Variants in ARFGAP2 observed in about 807,000 individuals in gnomAD.
ARFGAP2 encodes ARF GTPase activating protein 2.
ARFGAP2 carries 45 observed loss-of-function variants against 71.9 expected under a neutral mutation model. The ratio of observed to expected loss-of-function variants is 0.63; its 90% CI spans 0.49 to 0.80. The LOEUF (loss-of-function observed/expected upper bound fraction) is 0.80, where lower values mean the gene tolerates loss of function less well. Among genes scored for constraint, ARFGAP2 ranks in the 30% least tolerant of loss-of-function variants. The pLI is 0.00. For missense variants in ARFGAP2, 633 were observed against 673.9 expected (o/e 0.94, Z 0.67); for synonymous variants, 248 against 249.2 (o/e 1.00, Z 0.05).
intron 2 of ARFGAP2, 119 bp downstream of exon 2, chr11:47,176,397 C>T (rs1952826630): frequency 2.0e-6 from 2 of 999,064 alleles, no homozygotes; most frequent in East Asian, 2.4e-5. Context: ...CGGACCCTCT[C>T]GGCCCAGAGG....
Position 47,171,537 on chromosome 11 carries a change from G to C in ARFGAP2, c.830C>G (p.Ala277Gly). Residue 277 changes from alanine (A) to glycine (G), a missense_variant, in exon 10 of 16, where the codon GCC (alanine) becomes GGC (glycine). Coordinates refer to ENST00000524782, the MANE Select transcript of ARFGAP2 (RefSeq NM_032389.6). The part of the protein sequence containing the change: ...EESMVASMRL[A>G]YQELQIDRKK... The stretch of plus-strand genomic sequence containing the variant: ...ACGATCAATCTGGAGCTCCTGGTAG[G>C]CCAGACGCATGGAGGCGACCCTTAG... 1 of 1,614,174 alleles carries C rather than the reference G, an allele frequency of 6.2e-7. No individual in the cohort carries two copies. The highest frequency in any genetic ancestry group is 8.5e-7 in the Non-Finnish European group (1 of 1,180,040).
intron 13 of ARFGAP2, 29 bp downstream of exon 13, chr11:47,166,731 C>T (rs1370255457): frequency 1.2e-5 from 19 of 1,606,764 alleles, no homozygotes; most frequent in Non-Finnish European, 1.5e-5. Flanking sequence ...CCTGCTGCCT[C>T]GGACCTCAGG....
At chr11:47,167,800 T>C in intron 12 of ARFGAP2, 109 bp downstream of exon 12, 3 of 1,339,034 alleles carry the variant, frequency 2.2e-6, no homozygotes, top group Non-Finnish European at 3.0e-6. Context: ...ACAGAGAACA[T>C]TCCCATCAAC....
chr11:47,166,654 T>C, intron 13 of ARFGAP2, 55 bp from the exon 14 acceptor site: 1 of 1,604,972 alleles, frequency 6.2e-7, no homozygotes, highest in Non-Finnish European at 8.5e-7. Flanking sequence ...ACCCAAGGAC[T>C]CACACAGGCC....
intron 13 of ARFGAP2, 43 bp downstream of exon 13, chr11:47,166,714 GCTT>G: frequency 6.2e-7 from 1 of 1,603,988 alleles, no homozygotes; most frequent in South Asian, 1.1e-5. Flanking sequence ...GAAAGCTCAT[GCTT>G]CTGCCTGCTG....
chr11:47,170,321 C>T (rs1472861226), intron 10 of ARFGAP2, among the ~76,000 whole-genome samples: 7 of 75,844 alleles, frequency 9.2e-5, no homozygotes, highest in African/African-American at 3.5e-4. Flanking sequence ...AAGACTCCAT[C>T]TCAAAAAAAA....
chr11:47,174,095 C>T, intron 5 of ARFGAP2: 1 of 583,910 alleles, frequency 1.7e-6, no homozygotes, highest in East Asian at 3.0e-5. Flanking sequence ...AGTTAACTAC[C>T]ACCACCTAGG....
intron 15 of ARFGAP2, 42 bp downstream of exon 15, chr11:47,166,226 A>G: frequency 6.2e-7 from 1 of 1,600,742 alleles, no homozygotes; most frequent in Non-Finnish European, 8.6e-7. Flanking sequence ...GGCGAAGGGC[A>G]AACCTCCCAG....
chr11:47,169,300 C>T (rs12365578), intron 10 of ARFGAP2: 50,997 of 151,106 alleles, frequency 0.34, 10,304 homozygotes, highest in Non-Finnish European at 0.44. Flanking sequence ...GGCAACAGAG[C>T]GAGGCTCCGT....
intron 3 of ARFGAP2, 92 bp downstream of exon 3, chr11:47,175,758 GA>G: frequency 2.1e-6 from 3 of 1,451,642 alleles, no homozygotes. Context: ...AGAACCCTCT[GA>G]ACAGGGAAAA....
At chr11:47,171,875 C>A in intron 8 of ARFGAP2, 75 bp from the exon 9 acceptor site, 2 of 1,566,300 alleles carry the variant, frequency 1.3e-6, no homozygotes, top group South Asian at 2.3e-5. Flanking sequence ...GGCACTGTAG[C>A]CACACCCACA....
rs1590940996 is a variant in ARFGAP2 at position 47,165,477 on chromosome 11, T to C, written c.*5A>G. 6.4e-7 allele frequency: 1 copy of C among 1,564,862 alleles called. No individual in the cohort carries two copies. Among genetic ancestry groups the C allele is most frequent in the Non-Finnish European group, 8.7e-7 (1 of 1,154,938 alleles). On this transcript the variant is annotated 3_prime_UTR_variant, in exon 16 of 16. Coordinates refer to ENST00000524782, the MANE Select transcript of ARFGAP2 (RefSeq NM_032389.6). The stretch of plus-strand genomic sequence containing the variant: ...CCATCGTAAGCCTGAGTCACAGAGC[T>C]CGGATCAGTAGGAACCGTAGCGATC...
Position 47,168,265 on chromosome 11 carries a change from C to G in ARFGAP2, c.942-14G>C. 6.2e-7 allele frequency: 1 copy of G among 1,613,810 alleles called. No individual in the cohort carries two copies. ...TGGGAGACAGAGCTGCGCAGCAAAG[C>G]AGAGCCAGGCATGAGACCAAAGGAT... On this transcript the variant is annotated splice_polypyrimidine_tract_variant and intron_variant, in intron 10 of 15. Transcript: ENST00000524782.
chr11:47,166,750 C>G lies in ARFGAP2; in HGVS notation c.1332+10G>C. The G allele has an allele frequency of 2.5e-6, 4 of 1,612,192 alleles. No homozygotes were observed. Among genetic ancestry groups the G allele is most frequent in the Non-Finnish European group, 3.4e-6 (4 of 1,179,094 alleles). ...CTGCCTCGGACCTCAGGGCAGACAG[C>G]CCCACTTACCTCTGCATCCACCTCC... On this transcript the variant is annotated intron_variant, in intron 13 of 15. Transcript: ENST00000524782.
chr11:47,170,509 C>T (rs1370312327), intron 10 of ARFGAP2, among the ~76,000 whole-genome samples: 9 of 151,718 alleles, frequency 5.9e-5, no homozygotes, highest in South Asian at 2.1e-4. Flanking sequence ...TAGCCAGACA[C>T]GGTGGTACAC....
chr11:47,168,346 G>A (rs914407138), intron 10 of ARFGAP2, 95 bp from the exon 11 acceptor site: 48 of 1,541,718 alleles, frequency 3.1e-5, no homozygotes, highest in South Asian at 1.8e-4. Context: ...TCTCCTTCAC[G>A]GAGCGTCACC....
intron 2 of ARFGAP2, 82 bp downstream of exon 2, chr11:47,176,434 A>G: frequency 7.4e-7 from 1 of 1,345,784 alleles, no homozygotes; most frequent in Non-Finnish European, 1.1e-6. Context: ...GAGCGGCCCA[A>G]GTCGAGGCAG....
intron 12 of ARFGAP2, among the ~76,000 whole-genome samples, chr11:47,167,159 C>T (rs1192826715): frequency 6.6e-6 from 1 of 152,254 alleles, no homozygotes; most frequent in Non-Finnish European, 1.5e-5. Context: ...CACACAGCTT[C>T]GTCAGCATTC....
At chr11:47,166,124 A>G (rs968925475) in intron 15 of ARFGAP2, 144 bp downstream of exon 15, 1 of 781,466 alleles carries the variant, frequency 1.3e-6, no homozygotes, top group Non-Finnish European at 2.2e-6. Context: ...TCAGCCTCCC[A>G]GTGCTGGGAT....
Sources: gnomAD v4.1 joint callset for allele counts (sites outside exome capture counted in the v4.1 genomes callset) on GRCh38, gnomAD v4.1.1 for gene constraint, MANE v1.5 for transcripts, NCBI Gene and HGNC (gene_info 2026-07-23, HGNC 2026-07-21) for gene names.